CAMTA1: variants seen among roughly 807,000 people sequenced by gnomAD.
CAMTA1 encodes the protein calmodulin-binding transcription activator 1.
In CAMTA1, 27 loss-of-function variants were observed where a neutral mutation model predicts 170.9. The ratio of observed to expected loss-of-function variants is 0.16; its 90% CI spans 0.12 to 0.22. CAMTA1 has a LOEUF of 0.22. CAMTA1 is among the 10% of genes least tolerant of loss of function. The probability of loss-of-function intolerance (pLI) is 1.00; values close to 1 mark genes in which losing one functional copy is unlikely to be tolerated. For synonymous variants in CAMTA1, 833 were observed against 891.5 expected (o/e 0.93, Z 1.17); for missense variants, 1,619 against 2,217.2 (o/e 0.73, Z 5.42).
intron 3 of CAMTA1, among the ~76,000 whole-genome samples, chr1:6,843,555 G>A (rs1318472665): frequency 6.6e-6 from 1 of 152,184 alleles, no homozygotes; most frequent in Non-Finnish European, 1.5e-5. Flanking sequence ...TTATTAGTAT[G>A]AGAGTAACTT....
intron 1 of CAMTA1, among the ~76,000 whole-genome samples, chr1:6,795,242 A>G (rs906229622): frequency 6.6e-6 from 1 of 152,156 alleles, no homozygotes; most frequent in Non-Finnish European, 1.5e-5. Flanking sequence ...ACTAGAGTGC[A>G]GTAGTGCAAT....
chr1:7,174,218 G>C (rs996889345), intron 4 of CAMTA1, among the ~76,000 whole-genome samples: 2 of 152,154 alleles, frequency 1.3e-5, no homozygotes, highest in African/African-American at 4.8e-5. Flanking sequence ...GAACTTATTA[G>C]ATTAGAAACT....
At chr1:6,834,478 G>A in intron 3 of CAMTA1, 1 of 247,528 alleles carries the variant, frequency 4.0e-6, no homozygotes, top group Non-Finnish European at 8.0e-6. Context: ...TGGCACTCCA[G>A]TTATACGTCC....
chr1:7,017,774 G>C (rs978309660), intron 3 of CAMTA1, among the ~76,000 whole-genome samples: 2 of 152,166 alleles, frequency 1.3e-5, no homozygotes, highest in Admixed American at 1.3e-4. Context: ...GGTGTGGGTG[G>C]TGCCCAAGCC....
At chr1:7,464,454 T>C (rs964784163) in intron 5 of CAMTA1, among the ~76,000 whole-genome samples, 6 of 152,202 alleles carry the variant, frequency 3.9e-5, no homozygotes, top group African/African-American at 1.4e-4. Flanking sequence ...TCATGGAATA[T>C]TGTGCAATTA....
At chr1:7,026,416 G>A (rs958037055) in intron 3 of CAMTA1, among the ~76,000 whole-genome samples, 3 of 152,068 alleles carry the variant, frequency 2.0e-5, no homozygotes, top group South Asian at 2.1e-4. Context: ...TGGCAGCCCC[G>A]GTGGGAGAAG....
Position 7,206,047 on chromosome 1 carries a change from C to G in CAMTA1, c.303-43444C>G, listed in dbSNP as rs578059990. 6.4e-4 allele frequency among the ~76,000 whole-genome samples: 97 copies of G among 152,282 alleles called. 1 individual carries two copies. Among genetic ancestry groups the G allele is most frequent in the Middle Eastern group, 6.8e-3 (2 of 294 alleles). On this transcript the variant is annotated intron_variant, in intron 4 of 22. Transcript: ENST00000303635. ...TGGTTGGGGCATATCTGGACTTCTT[C>G]TACTCCACTTCTCTGTCAACTCATA...
At chr1:7,056,015 G>C (rs750952628) in intron 3 of CAMTA1, among the ~76,000 whole-genome samples, 1 of 152,172 alleles carries the variant, frequency 6.6e-6, no homozygotes, top group Non-Finnish European at 1.5e-5. Context: ...TGCACAAGGA[G>C]GGCTGTGTCT....
At chr1:7,024,925 T>C (rs1409514265) in intron 3 of CAMTA1, among the ~76,000 whole-genome samples, 1 of 152,172 alleles carries the variant, frequency 6.6e-6, no homozygotes, top group Admixed American at 6.5e-5. Flanking sequence ...TCACAGGTGG[T>C]ATGTATGGTG....
At chr1:7,243,940 A>G (rs1385074735) in intron 4 of CAMTA1, among the ~76,000 whole-genome samples, 1 of 152,246 alleles carries the variant, frequency 6.6e-6, no homozygotes, top group Non-Finnish European at 1.5e-5. Flanking sequence ...AACCACCATC[A>G]GAGTGAAAAG....
At position 7,401,600 on chromosome 1, in the gene CAMTA1, A is replaced by G. The variant is rs149409459; in HGVS notation, c.439-66230A>G. ...CAGTTTGGGGAGAATTAACGTAACT[A>G]TTGGGTCTTCACATCAACATGGTAT... On this transcript the variant is annotated intron_variant, in intron 5 of 22. Coordinates refer to ENST00000303635, the MANE Select transcript of CAMTA1 (RefSeq NM_015215.4). 9.3e-3 allele frequency among the ~76,000 whole-genome samples: 1,413 copies of G among 152,148 alleles called. 21 individuals are homozygous for G. The highest frequency in any genetic ancestry group is 0.032 in the African/African-American group (1,332 of 41,502).
intron 3 of CAMTA1, among the ~76,000 whole-genome samples, chr1:6,861,157 C>T (rs574649000): frequency 2.0e-4 from 31 of 152,020 alleles, no homozygotes; most frequent in African/African-American, 5.1e-4. Flanking sequence ...GGTTTCACCT[C>T]GTTGTCCAGG....
Position 7,013,048 on chromosome 1 carries a change from TC to T in CAMTA1, c.235-78255del, listed in dbSNP as rs1363501807. 8.1e-5 allele frequency among the ~76,000 whole-genome samples: 12 copies of T among 148,314 alleles called. No homozygotes were observed. The East Asian group carries it at 1.8e-3, about 22-fold the overall frequency. Reference sequence around the variant, plus strand: ...TGGGATCATCCCTGAGTCCCCTCTCTCGTCTCCACACGTCCAGACCTTCAAC... The same window carrying T: ...TGGGATCATCCCTGAGTCCCCTCTCTGTCTCCACACGTCCAGACCTTCAAC... On this transcript the variant is annotated intron_variant, in intron 3 of 22. Coordinates refer to ENST00000303635, the MANE Select transcript of CAMTA1 (RefSeq NM_015215.4).
intron 7 of CAMTA1, among the ~76,000 whole-genome samples, chr1:7,643,975 A>G (rs2095786235): frequency 6.6e-6 from 1 of 152,200 alleles, no homozygotes; most frequent in Non-Finnish European, 1.5e-5. Flanking sequence ...GTCACCCAAC[A>G]CTGGAGCCAA....
At chr1:7,281,980 T>C (rs183362943) in intron 5 of CAMTA1, among the ~76,000 whole-genome samples, 71 of 152,268 alleles carry the variant, frequency 4.7e-4, no homozygotes, top group African/African-American at 1.6e-3. Flanking sequence ...GGGCTTTCTG[T>C]GTCATCCTGA....
rs1386473508 is a variant in CAMTA1, at chr1:7,609,184, C to T, written c.511-31216C>T. 2.0e-5 allele frequency among the ~76,000 whole-genome samples: 3 copies of T among 152,162 alleles called. No homozygotes were observed. Among genetic ancestry groups the T allele is most frequent in the Admixed American group, 6.5e-5 (1 of 15,286 alleles). ...GCCTTGCCTCCTGGCCTCCTAGCCACAGACAGGGGTTTATGATGAGCCGGC... is the reference window on the plus strand; with the variant it reads ...GCCTTGCCTCCTGGCCTCCTAGCCATAGACAGGGGTTTATGATGAGCCGGC... On this transcript the variant is annotated intron_variant, in intron 6 of 22. Coordinates refer to ENST00000303635, the MANE Select transcript of CAMTA1 (RefSeq NM_015215.4). The surrounding 1 kb of genome is among the most constrained non-coding windows in gnomAD (Gnocchi z 4.4).
chr1:7,062,980 A>G (rs368803503), intron 3 of CAMTA1, among the ~76,000 whole-genome samples: 1 of 152,162 alleles, frequency 6.6e-6, no homozygotes, highest in South Asian at 2.1e-4. Flanking sequence ...ACTTCATCTT[A>G]ACTAGATGAC....
At chr1:7,270,289 A>ATTTTTTTT (rs1395986038) in intron 5 of CAMTA1, among the ~76,000 whole-genome samples, 31 of 112,766 alleles carry the variant, frequency 2.7e-4, no homozygotes, top group African/African-American at 1.0e-3. Flanking sequence ...ATATATATAT[A>ATTTTTTTT]TATTTTTTTT....
At chr1:7,255,299 A>G (rs555975641) in intron 5 of CAMTA1, among the ~76,000 whole-genome samples, 1 of 152,262 alleles carries the variant, frequency 6.6e-6, no homozygotes, top group Admixed American at 6.5e-5. Flanking sequence ...AAATAAAAAA[A>G]TAAAAAATTA....
Sources: gnomAD v4.1 joint callset for allele counts (sites outside exome capture counted in the v4.1 genomes callset) on GRCh38, gnomAD v4.1.1 for gene constraint, Gnocchi (gnomAD v3.1) non-coding constraint, MANE v1.5 for transcripts, NCBI Gene and HGNC (gene_info 2026-07-23, HGNC 2026-07-21) for gene names.